Variants in PDE1C observed in about 807,000 individuals in gnomAD.
PDE1C encodes phosphodiesterase 1C, also known as dual specificity calcium/calmodulin-dependent 3',5'-cyclic nucleotide phosphodiesterase 1C.
PDE1C carries 62 observed loss-of-function variants against 93.1 expected under a neutral mutation model. The ratio of observed to expected loss-of-function variants is 0.67; its 90% CI spans 0.54 to 0.82. The LOEUF is 0.82. PDE1C is among the 40% of genes least tolerant of loss of function. The pLI is 0.00. For missense variants in PDE1C, 742 were observed against 884.6 expected, an observed-to-expected ratio of 0.84 and a Z score of 2.04; for synonymous variants, 325 against 310.1, an observed-to-expected ratio of 1.05 and a Z score of -0.50.
chr7:32,281,340 T>A (rs1811615729), intron 1 of PDE1C, among the ~76,000 whole-genome samples: 1 of 152,194 alleles, frequency 6.6e-6, no homozygotes, highest in Non-Finnish European at 1.5e-5. Context: ...TTGCAAACTG[T>A]GAAAATTATT....
chr7:32,078,654 G>A (rs1004070802), intron 3 of PDE1C, among the ~76,000 whole-genome samples: 1 of 152,224 alleles, frequency 6.6e-6, no homozygotes, highest in Admixed American at 6.5e-5. Flanking sequence ...GCCAGGCATG[G>A]TAGCTCACAC....
intron 1 of PDE1C, among the ~76,000 whole-genome samples, chr7:32,357,168 T>C (rs565323845): frequency 6.6e-6 from 1 of 151,986 alleles, no homozygotes; most frequent in Non-Finnish European, 1.5e-5. Context: ...CCGTCTCTAA[T>C]AAAAATACAA....
At chr7:32,417,864 C>T (rs538582533) in intron 1 of PDE1C, among the ~76,000 whole-genome samples, 69 of 152,150 alleles carry the variant, frequency 4.5e-4, no homozygotes, top group Non-Finnish European at 9.0e-4. Context: ...TGTGACTCAA[C>T]GTAGTAATTT....
the PDE1C span, chr7:31,707,237 C>T: frequency 6.2e-7 from 1 of 1,614,030 alleles, no homozygotes; most frequent in African/African-American, 1.3e-5. Flanking sequence ...AGACCCAAAG[C>T]AATCGTGGAA....
intron 2 of PDE1C, among the ~76,000 whole-genome samples, chr7:32,019,709 G>A (rs937760313): frequency 1.3e-5 from 2 of 151,906 alleles, no homozygotes; most frequent in African/African-American, 4.8e-5. Flanking sequence ...CATGTTGAAC[G>A]GACACAACTT....
Position 32,224,129 on chromosome 7 carries a change from T to C in PDE1C, c.86-14590A>G, listed in dbSNP as rs181150195. On this transcript the variant is annotated intron_variant, in intron 1 of 18. Coordinates refer to the PDE1C transcript ENST00000396193. ...GGCTCACACCTGTAATCCTAGCACT[T>C]TGGGAGGCCGAGGTGGGTGGATCAC... is the stretch of plus-strand genomic sequence containing the variant. 1.2e-4 allele frequency among the ~76,000 whole-genome samples: 18 copies of C among 152,230 alleles called. No individual in the cohort carries two copies. The East Asian group carries it at 3.5e-3, about 29-fold the overall frequency.
At chr7:31,798,435 A>G (rs1328262970) in intron 16 of PDE1C, among the ~76,000 whole-genome samples, 7 of 151,752 alleles carry the variant, frequency 4.6e-5, no homozygotes. Context: ...TATAAAGAAC[A>G]AAATGATGAA....
chr7:32,062,463 T>A (rs1040120685), intron 1 of PDE1C, among the ~76,000 whole-genome samples: 1 of 152,234 alleles, frequency 6.6e-6, no homozygotes, highest in Admixed American at 6.5e-5. Flanking sequence ...TTCTTGTCTT[T>A]AGATCTTTAC....
chr7:32,358,881 TTGTGTGTGTGTGTGTC>T (rs2128084706), intron 1 of PDE1C, among the ~76,000 whole-genome samples: 2 of 147,682 alleles, frequency 1.4e-5, no homozygotes, highest in African/African-American at 5.0e-5. Flanking sequence ...TCATCTAACA[TTGTGTGTGTGTGTGTC>T]TGTGTGTGTG....
At chr7:32,041,972 GA>G (rs939924951) in intron 2 of PDE1C, among the ~76,000 whole-genome samples, 2 of 150,802 alleles carry the variant, frequency 1.3e-5, no homozygotes, top group African/African-American at 4.9e-5. Flanking sequence ...ATTTGGGGAA[GA>G]AAAAAAAAGG....
chr7:32,228,544 G>C (rs1441451019), intron 1 of PDE1C, among the ~76,000 whole-genome samples: 1 of 152,206 alleles, frequency 6.6e-6, no homozygotes, highest in East Asian at 1.9e-4. Context: ...AGGATGAATT[G>C]ACACCAGAGC....
intron 2 of PDE1C, among the ~76,000 whole-genome samples, chr7:32,003,542 G>A (rs1387136431): frequency 6.6e-6 from 1 of 152,154 alleles, no homozygotes; most frequent in Non-Finnish European, 1.5e-5. Flanking sequence ...CTCACCTAAA[G>A]CCAGTAATAT....
the PDE1C span, among the ~76,000 whole-genome samples, chr7:31,722,090 C>T: frequency 6.6e-6 from 1 of 152,104 alleles, no homozygotes; most frequent in Non-Finnish European, 1.5e-5. Flanking sequence ...TGGACCAGCT[C>T]CATGTTCGAC....
At chr7:31,934,794 G>A (rs1003477620) in intron 2 of PDE1C, among the ~76,000 whole-genome samples, 2 of 152,092 alleles carry the variant, frequency 1.3e-5, no homozygotes, top group African/African-American at 4.8e-5. Flanking sequence ...GTGAGTCACT[G>A]ATGCTCAGGC....
chr7:31,925,049 G>A (rs939649294), intron 2 of PDE1C, among the ~76,000 whole-genome samples: 1 of 66,980 alleles, frequency 1.5e-5, no homozygotes, highest in South Asian at 5.6e-4. Flanking sequence ...CTGTGTGTGT[G>A]TGTGTGTGTG....
At chr7:31,767,024 G>C (rs1344773124) in intron 17 of PDE1C, among the ~76,000 whole-genome samples, 1 of 152,040 alleles carries the variant, frequency 6.6e-6, no homozygotes, top group Non-Finnish European at 1.5e-5. Context: ...GATAGACCTG[G>C]ATTTTTTCTT....
At chr7:32,419,382 A>C (rs1785340591) in intron 1 of PDE1C, among the ~76,000 whole-genome samples, 1 of 152,166 alleles carries the variant, frequency 6.6e-6, no homozygotes, top group Non-Finnish European at 1.5e-5. Flanking sequence ...AAAGAGAGAG[A>C]GCAAAAAAGC....
chr7:32,038,527 C>T (rs1791409705), intron 2 of PDE1C, among the ~76,000 whole-genome samples: 1 of 152,090 alleles, frequency 6.6e-6, no homozygotes, highest in Admixed American at 6.5e-5. Context: ...GAATTAGGTA[C>T]CATTAGTAAG....
In PDE1C at chr7:31,756,255, C is replaced by T. The variant is rs192629321; in HGVS notation, c.1961-2702G>A. ...ACTTCTTCCAGGGGATCAAGGTTGA[C>T]ACCAGTGGCATGTGATGAAAATTAA... On this transcript the variant is annotated intron_variant, in intron 17 of 17. Transcript: ENST00000396191. Among the ~76,000 whole-genome samples the T allele has an allele frequency of 6.9e-4, 105 of 152,254 alleles. 1 individual carries two copies. The highest frequency in any genetic ancestry group is 2.9e-5 in the Non-Finnish European group (2 of 68,020).
Sources: gnomAD v4.1 joint callset for allele counts (sites outside exome capture counted in the v4.1 genomes callset) on GRCh38, gnomAD v4.1.1 for gene constraint, MANE v1.5 for transcripts, NCBI Gene and HGNC (gene_info 2026-07-23, HGNC 2026-07-21) for gene names.